The following MAML3 variants were observed in gnomAD, a reference collection of about 807,000 sequenced individuals.
MAML3 encodes the protein mastermind like transcriptional coactivator 3.
Under a neutral mutation model 101.9 loss-of-function variants are expected in MAML3, and 27 were observed. That is an observed-to-expected ratio of 0.27 (90% CI 0.20 to 0.37). The LOEUF is 0.37. Ranked by LOEUF, MAML3 falls within the 10% of genes least tolerant of loss-of-function variation. The pLI is 1.00. For missense variants in MAML3, 1,316 were observed against 1,444.9 expected (o/e 0.91, Z 1.45); for synonymous variants, 501 against 555.9 (o/e 0.90, Z 1.39).
intron 1 of MAML3, among the ~76,000 whole-genome samples, chr4:140,150,817 G>A (rs1729146888): frequency 6.6e-6 from 1 of 152,170 alleles, no homozygotes; most frequent in Non-Finnish European, 1.5e-5. Flanking sequence ...GTCGAGATGC[G>A]GGACCGGCCC....
chr4:139,951,731 GTTC>G (rs1733834522), intron 1 of MAML3, among the ~76,000 whole-genome samples: 1 of 147,910 alleles, frequency 6.8e-6, no homozygotes, highest in South Asian at 2.1e-4. Context: ...ATTTGTTTTT[GTTC>G]TTTTTTTTTT....
chr4:139,904,240 C>T (rs963002093), intron 1 of MAML3, among the ~76,000 whole-genome samples: 1 of 152,082 alleles, frequency 6.6e-6, no homozygotes, highest in Non-Finnish European at 1.5e-5. Context: ...GTGGTACTGG[C>T]AACTCTAGCA....
intron 1 of MAML3, among the ~76,000 whole-genome samples, chr4:139,932,746 G>T (rs772258393): frequency 3.9e-5 from 6 of 152,182 alleles, no homozygotes; most frequent in Non-Finnish European, 8.8e-5. Context: ...GGGTTCACCT[G>T]ATGGACAAAC....
chr4:139,916,470 G>A lies in MAML3; in HGVS notation c.469-25503C>T, dbSNP rs79614980. Among the ~76,000 whole-genome samples the A allele has an allele frequency of 7.5e-3, 1,143 of 152,308 alleles. 12 individuals are homozygous for A. Among genetic ancestry groups the A allele is most frequent in the Admixed American group, 0.028 (435 of 15,298 alleles). ...AGCAGGCCACCTGTGTGGGGTCATGGTAATGGCTAATCCTACTGGTGACCA... is the reference window on the plus strand; with the variant it reads ...AGCAGGCCACCTGTGTGGGGTCATGATAATGGCTAATCCTACTGGTGACCA... On this transcript the variant is annotated intron_variant, in intron 1 of 4. Coordinates refer to ENST00000509479, the MANE Select transcript of MAML3 (RefSeq NM_018717.5).
At chr4:139,741,321 C>A (rs538279494) in intron 2 of MAML3, among the ~76,000 whole-genome samples, 1 of 152,180 alleles carries the variant, frequency 6.6e-6, no homozygotes, top group Admixed American at 6.5e-5. Flanking sequence ...GGGCATAAGA[C>A]CACCTGACCC....
intron 1 of MAML3, among the ~76,000 whole-genome samples, chr4:139,914,702 A>G (rs1732996517): frequency 6.6e-6 from 1 of 152,238 alleles, no homozygotes; most frequent in Non-Finnish European, 1.5e-5. Flanking sequence ...ATTGGGAGAG[A>G]AAATGATGGA....
chr4:139,799,981 C>G (rs1730575999), intron 2 of MAML3, among the ~76,000 whole-genome samples: 1 of 152,076 alleles, frequency 6.6e-6, no homozygotes, highest in Non-Finnish European at 1.5e-5. Context: ...TTTATAATAT[C>G]AGGAAAAAGC....
intron 2 of MAML3, among the ~76,000 whole-genome samples, chr4:139,828,376 T>C (rs2111130190): frequency 6.6e-6 from 1 of 152,362 alleles, no homozygotes; most frequent in East Asian, 1.9e-4. Context: ...ATTACTACAC[T>C]AATAGGACAG....
At chr4:140,151,692 G>C (rs1025534979) in intron 1 of MAML3, among the ~76,000 whole-genome samples, 5 of 70,148 alleles carry the variant, frequency 7.1e-5, no homozygotes, top group East Asian at 5.5e-4. Context: ...GCGCGGTGCG[G>C]GGGGGGGGGG....
chr4:140,126,779 C>G (rs550920321), intron 1 of MAML3, among the ~76,000 whole-genome samples: 1 of 152,246 alleles, frequency 6.6e-6, no homozygotes, highest in Admixed American at 6.5e-5. Flanking sequence ...TGTCCAAAAC[C>G]AAACATCTTC....
At chr4:139,927,727 T>C (rs1017065746) in intron 1 of MAML3, among the ~76,000 whole-genome samples, 1 of 131,794 alleles carries the variant, frequency 7.6e-6, no homozygotes, top group Non-Finnish European at 1.6e-5. Flanking sequence ...CTCAAATTCC[T>C]CTGTCTTTGG....
At chr4:140,152,405 G>A (rs899203129) in intron 1 of MAML3, among the ~76,000 whole-genome samples, 2 of 152,168 alleles carry the variant, frequency 1.3e-5, no homozygotes, top group Admixed American at 6.5e-5. Flanking sequence ...CCACGCACCC[G>A]GCGGATGTGC....
At chr4:140,150,180 T>C (rs1729134876) in intron 1 of MAML3, among the ~76,000 whole-genome samples, 1 of 149,256 alleles carries the variant, frequency 6.7e-6, no homozygotes, top group African/African-American at 2.4e-5. Context: ...CAGTCATCTT[T>C]CAAGTCTATT....
chr4:140,125,638 T>C (rs1362984079), intron 1 of MAML3, among the ~76,000 whole-genome samples: 2 of 152,152 alleles, frequency 1.3e-5, no homozygotes, highest in African/African-American at 2.4e-5. Flanking sequence ...GTTTGTTTTG[T>C]AGAGAGACAG....
intron 1 of MAML3, among the ~76,000 whole-genome samples, chr4:140,137,997 T>C (rs190271892): frequency 1.6e-4 from 24 of 152,306 alleles, no homozygotes; most frequent in African/African-American, 5.5e-4. Flanking sequence ...AACCACAAAC[T>C]GAAAGTTAAT....
intron 1 of MAML3, among the ~76,000 whole-genome samples, chr4:139,903,998 T>C (rs1368056448): frequency 6.6e-6 from 1 of 152,162 alleles, no homozygotes; most frequent in East Asian, 1.9e-4. Flanking sequence ...CTTCCAGCCC[T>C]TTGGGAGGCA....
intron 2 of MAML3, among the ~76,000 whole-genome samples, chr4:139,856,388 A>G (rs1578632772): frequency 6.6e-6 from 1 of 152,232 alleles, no homozygotes; most frequent in African/African-American, 2.4e-5. Flanking sequence ...GGAGAACTAC[A>G]AGGACCTGCA....
At position 139,730,544 on chromosome 4, in the gene MAML3, G is replaced by C; in HGVS notation, c.2203C>G (p.Gln735Glu). ...AGPGFLGSQP[Q>E]AAIMKQMLID... ...AGCATCTGCTTCATGATGGCTGCTT[G>C]GGGCTGGCTGCCCAGGAAGCCGGGG... The change falls in exon 3 of 5, where the codon CAA (glutamine) becomes GAA (glutamate). Residue 735 changes from glutamine to glutamate, a missense_variant. Gln to Glu is a conservative substitution (Grantham distance 29, BLOSUM62 2). Coordinates refer to ENST00000509479, the MANE Select transcript of MAML3 (RefSeq NM_018717.5). The C allele has an allele frequency of 6.3e-7, 1 of 1,578,322 alleles. No individual in the cohort carries two copies.
In MAML3 at chr4:140,154,112, G is replaced by A; in HGVS notation, c.-785C>T. The A allele has an allele frequency of 5.5e-6, 1 of 180,272 alleles. No individual in the cohort carries two copies. 11.2% of individuals were successfully genotyped at this position (180,272 alleles called of 1,614,324 possible). A position where few individuals can be genotyped will look rare whatever the true frequency, so the allele number is the denominator to read the frequency against. ...CCATCACAATGATCAACTGCTCGCC[G>A]CCGCCGCCGCCGCCGCCTCCTCCTC... On this transcript the variant is annotated 5_prime_UTR_variant, in exon 1 of 5. Coordinates refer to ENST00000509479, the MANE Select transcript of MAML3 (RefSeq NM_018717.5).
Sources: gnomAD v4.1 joint callset for allele counts (sites outside exome capture counted in the v4.1 genomes callset) on GRCh38, gnomAD v4.1.1 for gene constraint, MANE v1.5 for transcripts, NCBI Gene and HGNC (gene_info 2026-07-23, HGNC 2026-07-21) for gene names.